MPPED2: variants seen among roughly 807,000 people sequenced by gnomAD.
MPPED2 encodes metallophosphoesterase domain containing 2, also known as metallophosphoesterase MPPED2.
Under a neutral mutation model 33.0 loss-of-function variants are expected in MPPED2, and 5 were observed. That is an observed-to-expected ratio of 0.15 (90% CI 0.08 to 0.32). MPPED2 has a LOEUF of 0.32. Among genes scored for constraint, MPPED2 ranks in the 10% least tolerant of loss-of-function variants. The pLI is 1.00. For synonymous variants in MPPED2, 136 were observed against 141.9 expected, an observed-to-expected ratio of 0.96 and a Z score of 0.29; for missense variants, 275 against 372.1, an observed-to-expected ratio of 0.74 and a Z score of 2.15.
intron 3 of MPPED2, among the ~76,000 whole-genome samples, chr11:30,531,054 A>G (rs1954494893): frequency 6.6e-6 from 1 of 152,220 alleles, no homozygotes; most frequent in Non-Finnish European, 1.5e-5. Context: ...GATAAGAAGG[A>G]AAATGTTATT....
chr11:30,529,024 A>G (rs962055585), intron 3 of MPPED2, among the ~76,000 whole-genome samples: 3 of 152,244 alleles, frequency 2.0e-5, no homozygotes, highest in Non-Finnish European at 4.4e-5. Context: ...CAGTGCAAGT[A>G]GAATAATAAA....
intron 3 of MPPED2, among the ~76,000 whole-genome samples, chr11:30,512,924 C>CG (rs1229705792): frequency 1.3e-5 from 2 of 151,802 alleles, no homozygotes; most frequent in Non-Finnish European, 2.9e-5. Context: ...TAGCTTGAAT[C>CG]GGGGGGCAGA....
chr11:30,460,273 A>T (rs1008773565), intron 4 of MPPED2, among the ~76,000 whole-genome samples: 14 of 152,072 alleles, frequency 9.2e-5, no homozygotes, highest in African/African-American at 3.4e-4. Context: ...GCGACAATAT[A>T]AGTGCAGTGT....
chr11:30,547,989 G>C (rs1955515826), intron 2 of MPPED2, among the ~76,000 whole-genome samples: 1 of 152,148 alleles, frequency 6.6e-6, no homozygotes, highest in Admixed American at 6.5e-5. Flanking sequence ...TGGGGAGGGA[G>C]AATGGAGAAA....
intron 3 of MPPED2, among the ~76,000 whole-genome samples, chr11:30,502,973 A>T (rs910917946): frequency 6.6e-6 from 1 of 152,182 alleles, no homozygotes; most frequent in Admixed American, 6.5e-5. Context: ...TCCAAGGTCA[A>T]TTCCAGAACA....
intron 3 of MPPED2, among the ~76,000 whole-genome samples, chr11:30,496,120 C>T (rs1410946569): frequency 6.6e-6 from 1 of 152,148 alleles, no homozygotes; most frequent in Admixed American, 6.5e-5. Context: ...GGCTAACTTT[C>T]CTCCTATTGG....
intron 2 of MPPED2, among the ~76,000 whole-genome samples, chr11:30,574,810 T>C (rs1253523942): frequency 1.3e-5 from 2 of 152,136 alleles, no homozygotes; most frequent in Non-Finnish European, 2.9e-5. Flanking sequence ...GTTACATACT[T>C]GTTGTAAGAA....
At chr11:30,550,120 G>A (rs1955629386) in intron 2 of MPPED2, among the ~76,000 whole-genome samples, 1 of 152,306 alleles carries the variant, frequency 6.6e-6, no homozygotes, top group South Asian at 2.1e-4. Flanking sequence ...AGTCCTCGCT[G>A]ATAGATTAAA....
intron 6 of MPPED2, among the ~76,000 whole-genome samples, chr11:30,401,143 AAT>A (rs1554960579): frequency 6.6e-6 from 1 of 152,196 alleles, no homozygotes; most frequent in Non-Finnish European, 1.5e-5. Context: ...GTGTTATAAA[AAT>A]AGTTTGGTTT....
upstream of MPPED2, chr11:30,586,749 G>C (rs551471400): frequency 2.6e-5 from 4 of 152,396 alleles, no homozygotes; most frequent in South Asian, 8.3e-4. This position sits in a 1 kb window ranked among gnomAD's most constrained non-coding sequence, Gnocchi z 4.8. Flanking sequence ...GACCTGCCAG[G>C]CTCTGTCAGG....
At chr11:30,520,985 A>G (rs1204512923) in intron 3 of MPPED2, among the ~76,000 whole-genome samples, 1 of 152,160 alleles carries the variant, frequency 6.6e-6, no homozygotes, top group East Asian at 1.9e-4. Flanking sequence ...AACATATTGG[A>G]AAAATACTGA....
chr11:30,585,448 C>A (rs1052396217), intron 1 of MPPED2, among the ~76,000 whole-genome samples: 1 of 152,010 alleles, frequency 6.6e-6, no homozygotes, highest in Non-Finnish European at 1.5e-5. Context: ...GCCTTCCCCT[C>A]GTCACTGCAC....
chr11:30,456,198 C>T (rs1950271545), intron 4 of MPPED2, among the ~76,000 whole-genome samples: 1 of 152,162 alleles, frequency 6.6e-6, no homozygotes, highest in Non-Finnish European at 1.5e-5. Flanking sequence ...TGGGAAAATT[C>T]AACTGGAGAA....
At chr11:30,436,166 C>T (rs1298971621) in intron 4 of MPPED2, among the ~76,000 whole-genome samples, 1 of 148,240 alleles carries the variant, frequency 6.7e-6, no homozygotes, top group Admixed American at 6.9e-5. Flanking sequence ...TCTGTAAACT[C>T]TCTAAACTGT....
Position 30,410,551 on chromosome 11 carries a change from T to C in MPPED2, c.*917A>G, listed in dbSNP as rs1948066806. On this transcript the variant is annotated 3_prime_UTR_variant, in exon 7 of 7. Transcript: ENST00000358117. ...ATTTAAGTCTATACATGCCTGTAAC[T>C]GTACCTAGATTTAACTCAAGCTCTT... 2 of 985,748 alleles carry C rather than the reference T, an allele frequency of 2.0e-6. No homozygotes were observed. The highest frequency in any genetic ancestry group is 2.4e-6 in the Non-Finnish European group (2 of 829,934). The allele number at this position is 985,748 out of a possible 1,614,324, so 61.1% of individuals were successfully genotyped here.
intron 4 of MPPED2, among the ~76,000 whole-genome samples, chr11:30,460,637 A>T (rs1032982473): frequency 1.3e-5 from 2 of 152,206 alleles, no homozygotes; most frequent in South Asian, 4.1e-4. Context: ...AAATAAAGAC[A>T]TTAAATAAAC....
rs541825524 is a variant in MPPED2, at chr11:30,521,295, T to A, written c.310+14699A>T. Among the ~76,000 whole-genome samples the A allele has an allele frequency of 5.3e-5, 8 of 152,286 alleles. No individual in the cohort carries two copies. In the East Asian group the frequency reaches 1.5e-3, roughly 29 times the overall value. On this transcript the variant is annotated intron_variant, in intron 3 of 6. Coordinates refer to ENST00000358117, the MANE Select transcript of MPPED2 (RefSeq NM_001584.3). ...ACAAAACCAAAACCAAATATAGGGATGTAACCATATGTCTGGAACTGAATC... is the reference window on the plus strand; with the variant it reads ...ACAAAACCAAAACCAAATATAGGGAAGTAACCATATGTCTGGAACTGAATC...
At chr11:30,535,070 A>G (rs1388778542) in intron 3 of MPPED2, among the ~76,000 whole-genome samples, 7 of 152,168 alleles carry the variant, frequency 4.6e-5, no homozygotes, top group African/African-American at 1.7e-4. Flanking sequence ...GTTATTAGTT[A>G]AGTTTATTGC....
intron 4 of MPPED2, among the ~76,000 whole-genome samples, chr11:30,478,919 A>G (rs1344205238): frequency 2.0e-5 from 3 of 152,142 alleles, no homozygotes; most frequent in Non-Finnish European, 4.4e-5. Flanking sequence ...TGTTTGACAG[A>G]GAAAAAAGTT....
Sources: gnomAD v4.1 joint callset for allele counts (sites outside exome capture counted in the v4.1 genomes callset) on GRCh38, gnomAD v4.1.1 for gene constraint, Gnocchi (gnomAD v3.1) non-coding constraint, MANE v1.5 for transcripts, NCBI Gene and HGNC (gene_info 2026-07-23, HGNC 2026-07-21) for gene names.